The following TRAPPC6A variants were observed in gnomAD, a reference collection of about 807,000 sequenced individuals.
The protein encoded by TRAPPC6A is TRAPP complex subunit 6A.
Under a neutral mutation model 20.8 loss-of-function variants are expected in TRAPPC6A, and 25 were observed. The ratio of observed to expected loss-of-function variants is 1.20; its 90% CI spans 0.88 to 1.68. TRAPPC6A has a LOEUF of 1.68. Among genes scored for constraint, TRAPPC6A ranks in the 40% most tolerant of loss-of-function variants. The probability of loss-of-function intolerance (pLI) is 0.00; values close to 1 mark genes in which losing one functional copy is unlikely to be tolerated. For synonymous variants in TRAPPC6A, 96 were observed against 93.3 expected, an observed-to-expected ratio of 1.03 and a Z score of -0.16; for missense variants, 215 against 211.6, an observed-to-expected ratio of 1.02 and a Z score of -0.10.
chr19:45,164,292 T>G, intron 3 of TRAPPC6A, 45 bp from the exon 4 acceptor site: 1 of 1,349,746 alleles, frequency 7.4e-7, no homozygotes, highest in Non-Finnish European at 1.0e-6. Flanking sequence ...GGCCTGTACA[T>G]TTGAAGCGCA....
intron 1 of TRAPPC6A, among the ~76,000 whole-genome samples, chr19:45,174,779 T>C (rs1439309726): frequency 6.6e-6 from 1 of 151,970 alleles, no homozygotes; most frequent in Non-Finnish European, 1.5e-5. Context: ...CAGTGAACTA[T>C]GATCATGCTA....
chr19:45,174,127 C>T (rs1268641458), intron 1 of TRAPPC6A, among the ~76,000 whole-genome samples: 4 of 152,164 alleles, frequency 2.6e-5, no homozygotes, highest in Admixed American at 6.6e-5. Flanking sequence ...GAGGCCTGGT[C>T]GCGCTCCTGA....
rs1656365088 is a variant in TRAPPC6A at position 45,165,077 on chromosome 19, G to A, written c.152+50C>T. 4 of 1,610,234 alleles carry A rather than the reference G, an allele frequency of 2.5e-6. No individual in the cohort carries two copies. The African/African-American group carries it at 5.3e-5, about 22-fold the overall frequency. ...ATGCAACCCTCCCCGCCCGGGGCCT[G>A]CCCAGCCCTGCCAGCCAGGCTGGGG... On this transcript the variant is annotated intron_variant, in intron 2 of 5. Coordinates refer to ENST00000585934, the MANE Select transcript of TRAPPC6A (RefSeq NM_001270891.2).
At chr19:45,166,968 T>C (rs569206496) in intron 1 of TRAPPC6A, among the ~76,000 whole-genome samples, 27 of 152,234 alleles carry the variant, frequency 1.8e-4, no homozygotes, top group African/African-American at 6.3e-4. Context: ...CATCCCTCCC[T>C]CACCCTCTCC....
At position 45,165,169 on chromosome 19, in the gene TRAPPC6A, A is replaced by C; in HGVS notation, c.110T>G (p.Leu37Arg). The C allele has an allele frequency of 6.2e-7, 1 of 1,608,076 alleles. No homozygotes were observed. Among genetic ancestry groups the C allele is most frequent in the Middle Eastern group, 1.7e-4 (1 of 6,052 alleles). The change falls in exon 2 of 6, where the codon CTG (leucine) becomes CGG (arginine). Residue 37 changes from leucine (L) to arginine (R), a missense_variant. By Grantham distance (102) the Leu-to-Arg change is moderately radical. Transcript: ENST00000585934. ...PGGQKMSLSVLEGMGFRVGQA... is the reference protein window; with the variant it reads ...PGGQKMSLSVREGMGFRVGQA... ...GCCCACACGGAACCCCATACCCTCC[A>C]GGACCGACAGGCTCATCTTCTGTCC...
intron 1 of TRAPPC6A, among the ~76,000 whole-genome samples, chr19:45,174,472 G>A (rs1427157894): frequency 6.6e-6 from 1 of 152,080 alleles, no homozygotes. Flanking sequence ...CCCGCACAAA[G>A]TACACTCCGG....
At chr19:45,177,373 C>T (rs1391272164) in intron 1 of TRAPPC6A, among the ~76,000 whole-genome samples, 1 of 152,064 alleles carries the variant, frequency 6.6e-6, no homozygotes, top group Non-Finnish European at 1.5e-5. Flanking sequence ...ACAAGTCTCG[C>T]TCTGTCGCCT....
Position 45,178,115 on chromosome 19 carries a change from C to T in TRAPPC6A, c.84+20G>A, listed in dbSNP as rs1382823831. The T allele has an allele frequency of 6.2e-7, 1 of 1,613,118 alleles. No homozygotes were observed. Among genetic ancestry groups the T allele is most frequent in the Admixed American group, 1.7e-5 (1 of 59,952 alleles). On this transcript the variant is annotated intron_variant, in intron 1 of 5. Coordinates refer to ENST00000585934, the MANE Select transcript of TRAPPC6A (RefSeq NM_001270891.2). ...TACCTTGGTGGCCCCCGCTTCCTCCCCACGGAGCCCGGCGCTCACCCCCGG... is the reference window on the plus strand; with the variant it reads ...TACCTTGGTGGCCCCCGCTTCCTCCTCACGGAGCCCGGCGCTCACCCCCGG...
chr19:45,165,182 T>C lies in TRAPPC6A; in HGVS notation c.97A>G (p.Ser33Gly), dbSNP rs1234872960. 3 of 1,604,774 alleles carry C rather than the reference T, an allele frequency of 1.9e-6. No individual in the cohort carries two copies. The highest frequency in any genetic ancestry group is 1.7e-6 in the Non-Finnish European group (2 of 1,176,040). The change falls in exon 2 of 6, where the codon AGC (serine) becomes GGC (glycine). Residue 33 changes from serine to glycine, a missense_variant. By Grantham distance (56) the Ser-to-Gly change is moderately conservative. Coordinates refer to ENST00000585934, the MANE Select transcript of TRAPPC6A (RefSeq NM_001270891.2). ...PDPGPGGQKMSLSVLEGMGFR... is the reference protein window; with the variant it reads ...PDPGPGGQKMGLSVLEGMGFR... ...CCCATACCCTCCAGGACCGACAGGCTCATCTTCTGTCCCTAGAAGGCCAGG... is the reference window on the plus strand; with the variant it reads ...CCCATACCCTCCAGGACCGACAGGCCCATCTTCTGTCCCTAGAAGGCCAGG...
rs116465483 is a variant in TRAPPC6A at position 45,173,647 on chromosome 19, G to A, written c.84+4488C>T. On this transcript the variant is annotated intron_variant, in intron 1 of 5. Transcript: ENST00000585934. The surrounding 1 kb of genome is among the most constrained non-coding windows in gnomAD (Gnocchi z 4.8). ...TACTGCACAGACGCCCTCAGGAAAC[G>A]GGAGGCCTGTCTGGTTCAGAGGAAC... Among the ~76,000 whole-genome samples the A allele has an allele frequency of 0.012, 1,863 of 152,308 alleles. 40 individuals are homozygous for A. Among genetic ancestry groups the A allele is most frequent in the African/African-American group, 0.042 (1,725 of 41,560 alleles).
intron 1 of TRAPPC6A, among the ~76,000 whole-genome samples, chr19:45,165,754 A>G (rs1434587939): frequency 1.3e-5 from 2 of 152,144 alleles, no homozygotes; most frequent in Non-Finnish European, 2.9e-5. Flanking sequence ...CTCGAAAAGG[A>G]CAGTGGCTGC....
chr19:45,175,576 C>T (rs147138244), intron 1 of TRAPPC6A, among the ~76,000 whole-genome samples: 2 of 152,154 alleles, frequency 1.3e-5, no homozygotes, highest in African/African-American at 2.4e-5. Flanking sequence ...GGGATTGTTA[C>T]GCTAAGATCT....
chr19:45,175,052 G>A (rs1276790117), intron 1 of TRAPPC6A, among the ~76,000 whole-genome samples: 1 of 151,782 alleles, frequency 6.6e-6, no homozygotes, highest in East Asian at 1.9e-4. Flanking sequence ...ACAAGGTCAG[G>A]AGATCGAGAC....
chr19:45,177,189 G>GCACACACACA (rs1430293471), intron 1 of TRAPPC6A, among the ~76,000 whole-genome samples: 11 of 97,492 alleles, frequency 1.1e-4, no homozygotes, highest in African/African-American at 5.4e-4. Context: ...ATGCGCGTGC[G>GCACACACACA]CGCACACACA....
At chr19:45,177,968 G>A (rs1427534923) in intron 1 of TRAPPC6A, 167 bp downstream of exon 1, 3 of 1,294,948 alleles carry the variant, frequency 2.3e-6, no homozygotes, top group Non-Finnish European at 3.1e-6. Context: ...CCCCGAGCCG[G>A]CACCGTCGCG....
At chr19:45,176,952 A>G (rs1224320373) in intron 1 of TRAPPC6A, among the ~76,000 whole-genome samples, 2 of 146,944 alleles carry the variant, frequency 1.4e-5, no homozygotes, top group African/African-American at 5.1e-5. Flanking sequence ...GCAGATCACG[A>G]GGTCAGAAGA....
chr19:45,163,216 G>C lies in TRAPPC6A; in HGVS notation c.456C>G (p.Phe152Leu). The change falls in exon 6 of 6, where the codon TTC (phenylalanine) becomes TTG (leucine). Residue 152 changes from phenylalanine (F) to leucine (L), a missense_variant. Coordinates refer to ENST00000585934, the MANE Select transcript of TRAPPC6A (RefSeq NM_001270891.2). The surrounding 1 kb of genome is among the most constrained non-coding windows in gnomAD (Gnocchi z 5.3). Reference protein sequence around the residue: ...ASVAALPVCKFQVVIPKS With the variant: ...ASVAALPVCKLQVVIPKS The stretch of plus-strand genomic sequence containing the variant: ...CTTAGGATTTCGGAATCACCACCTG[G>C]AACTTACCTGGAAGAGAAGGCCTGG... The C allele has an allele frequency of 6.2e-7, 1 of 1,613,924 alleles. No homozygotes were observed. Among genetic ancestry groups the C allele is most frequent in the African/African-American group, 1.3e-5 (1 of 75,046 alleles).
chr19:45,164,016 A>C lies in TRAPPC6A; in HGVS notation c.355-7T>G. ...CGCAGGTGAAGGCCAGGAACTGAGGAGGGAACACAGACCAGCATGGGAAGA... is the reference window on the plus strand; with the variant it reads ...CGCAGGTGAAGGCCAGGAACTGAGGCGGGAACACAGACCAGCATGGGAAGA... On this transcript the variant is annotated splice_polypyrimidine_tract_variant and splice_region_variant and intron_variant, in intron 4 of 5. Transcript: ENST00000585934. 6.4e-7 allele frequency: 1 copy of C among 1,567,970 alleles called. No homozygotes were observed. Among genetic ancestry groups the C allele is most frequent in the Non-Finnish European group, 8.7e-7 (1 of 1,156,066 alleles).
rs1328327854 is a variant in TRAPPC6A at position 45,164,230 on chromosome 19, T to C, written c.288A>G (p.Gln96=). ...GGAGGAGGAGGGGGAAGCTGTTGTC[T>C]TGCAGGACGTAGGTCCCCTGGGGGA... ...RTNHQGTYVL[Q]DNSFPLLLPM... Residue 96 remains glutamine (Q), a synonymous_variant, in exon 4 of 6, where the codon CAA becomes CAG. Coordinates refer to ENST00000585934, the MANE Select transcript of TRAPPC6A (RefSeq NM_001270891.2). The C allele has an allele frequency of 1.5e-5, 24 of 1,607,396 alleles. No individual in the cohort carries two copies. The highest frequency in any genetic ancestry group is 2.2e-5 in the South Asian group (2 of 89,922).
Sources: allele counts gnomAD v4.1 joint callset (sites outside exome capture counted in the v4.1 genomes callset), GRCh38; gene constraint gnomAD v4.1.1; non-coding constraint Gnocchi (gnomAD v3.1); transcripts MANE v1.5; gene names NCBI Gene and HGNC (gene_info 2026-07-23, HGNC 2026-07-21).